The following SHANK2 variants were observed in gnomAD, a reference collection of about 807,000 sequenced individuals.
SHANK2 encodes the protein SH3 and multiple ankyrin repeat domains protein 2.
SHANK2 carries 43 observed loss-of-function variants against 133.7 expected under a neutral mutation model. The observed-to-expected ratio is 0.32, with a 90% CI of 0.25 to 0.41. The LOEUF is 0.41. SHANK2 is among the 10% of genes least tolerant of loss of function. The pLI, the probability that SHANK2 is intolerant of heterozygous loss-of-function variation, is 1.00. For synonymous variants in SHANK2, 1,017 were observed against 952.8 expected (o/e 1.07, Z -1.24); for missense variants, 1,994 against 2,235.8 (o/e 0.89, Z 2.18).
chr11:70,870,595 G>A (rs1555069995), intron 11 of SHANK2, among the ~76,000 whole-genome samples: 1 of 151,400 alleles, frequency 6.6e-6, no homozygotes, highest in African/African-American at 2.5e-5. Flanking sequence ...GTTGGCAGTG[G>A]GGGGGTTCAC....
intron 17 of SHANK2, among the ~76,000 whole-genome samples, chr11:70,649,778 G>A (rs951659794): frequency 1.3e-5 from 2 of 152,202 alleles, no homozygotes; most frequent in African/African-American, 4.8e-5. Flanking sequence ...CTGGGGCTGG[G>A]TGTACAGCAT....
intron 14 of SHANK2, among the ~76,000 whole-genome samples, chr11:70,774,590 C>T (rs749069211): frequency 4.6e-5 from 7 of 152,110 alleles, no homozygotes; most frequent in African/African-American, 1.4e-4. Flanking sequence ...AAAGGGATTA[C>T]AGGAGTGAGC....
intron 11 of SHANK2, among the ~76,000 whole-genome samples, chr11:70,885,935 G>C (rs868977174): frequency 3.9e-5 from 6 of 152,198 alleles, no homozygotes; most frequent in Admixed American, 1.3e-4. Context: ...CTTCTAGACA[G>C]ATACGCACGG....
In SHANK2 at chr11:70,490,254, G is replaced by C. The variant is rs781930403; in HGVS notation, c.2551+22C>G. On this transcript the variant is annotated intron_variant, in intron 23 of 25. Transcript: ENST00000601538. ...TTGAAAGCCCAGGGGCAACTTCTGTGGGGGAGTGCCACACTTCTTACCTAT... is the reference window on the plus strand; with the variant it reads ...TTGAAAGCCCAGGGGCAACTTCTGTCGGGGAGTGCCACACTTCTTACCTAT... 33 of 1,590,170 alleles carry C rather than the reference G, an allele frequency of 2.1e-5. 1 individual carries two copies. The highest frequency in any genetic ancestry group is 1.1e-4 in the East Asian group (5 of 44,750).
At chr11:71,182,031 G>A (rs1002437873) in intron 2 of SHANK2, among the ~76,000 whole-genome samples, 10 of 152,142 alleles carry the variant, frequency 6.6e-5, no homozygotes, top group African/African-American at 1.9e-4. Flanking sequence ...CCCTCATAGA[G>A]GATGGCTGTG....
intron 14 of SHANK2, among the ~76,000 whole-genome samples, chr11:70,731,447 TTC>T (rs2134729452): frequency 6.6e-6 from 1 of 152,354 alleles, no homozygotes; most frequent in East Asian, 1.9e-4. Context: ...CTCATCTACT[TTC>T]TGTTTCTACG....
intron 15 of SHANK2, among the ~76,000 whole-genome samples, chr11:70,677,759 T>A (rs1009535162): frequency 6.6e-6 from 1 of 152,198 alleles, no homozygotes; most frequent in Non-Finnish European, 1.5e-5. Flanking sequence ...GAGCCCGAGA[T>A]GCCCACTCCC....
At chr11:70,875,913 T>C (rs1000772913) in intron 11 of SHANK2, among the ~76,000 whole-genome samples, 1 of 151,000 alleles carries the variant, frequency 6.6e-6, no homozygotes, top group African/African-American at 2.4e-5. Context: ...TCCAAGCACT[T>C]TGGGAGCCCG....
At chr11:71,177,478 A>G (rs1010324870) in intron 2 of SHANK2, among the ~76,000 whole-genome samples, 15 of 152,348 alleles carry the variant, frequency 9.8e-5, no homozygotes, top group Non-Finnish European at 1.3e-4. Context: ...GTAGTAAGAT[A>G]AAGATTTATG....
chr11:70,779,810 C>CTTGGCA (rs1947442727), intron 14 of SHANK2, among the ~76,000 whole-genome samples: 1 of 152,196 alleles, frequency 6.6e-6, no homozygotes, highest in Non-Finnish European at 1.5e-5. Context: ...CTGCTGGTTC[C>CTTGGCA]AGCACCCCAA....
At chr11:70,923,537 C>A (rs1555081025) in intron 10 of SHANK2, among the ~76,000 whole-genome samples, 1 of 151,742 alleles carries the variant, frequency 6.6e-6, no homozygotes, top group Non-Finnish European at 1.5e-5. Flanking sequence ...CCACTGCGCC[C>A]AGCTGCTTGC....
At chr11:70,922,243 A>G (rs1950362567) in intron 10 of SHANK2, among the ~76,000 whole-genome samples, 1 of 152,234 alleles carries the variant, frequency 6.6e-6, no homozygotes, top group Admixed American at 6.5e-5. Context: ...CACAGAGAGA[A>G]GGACAAATGG....
At chr11:71,242,376 G>A (rs1954905739) in intron 1 of SHANK2, among the ~76,000 whole-genome samples, 1 of 152,142 alleles carries the variant, frequency 6.6e-6, no homozygotes, top group Admixed American at 6.6e-5. Context: ...TGGTGAAAAG[G>A]GTAACTTTTT....
chr11:70,929,700 T>G (rs1950476333), intron 10 of SHANK2, among the ~76,000 whole-genome samples: 1 of 152,202 alleles, frequency 6.6e-6, no homozygotes, highest in South Asian at 2.1e-4. Flanking sequence ...AGTCCAAAAC[T>G]ATCTCCCCAA....
At chr11:70,702,259 ACAT>A (rs1696626880) in intron 14 of SHANK2, among the ~76,000 whole-genome samples, 3 of 143,942 alleles carry the variant, frequency 2.1e-5, no homozygotes, top group Non-Finnish European at 3.0e-5. Context: ...ATCATCACCA[ACAT>A]CATCACCACC....
At chr11:71,072,154 G>A (rs1288893226) in intron 9 of SHANK2, among the ~76,000 whole-genome samples, 2 of 152,068 alleles carry the variant, frequency 1.3e-5, no homozygotes, top group African/African-American at 4.8e-5. Context: ...ACAGCCCCCT[G>A]TCCTCCTAAA....
intron 17 of SHANK2, among the ~76,000 whole-genome samples, chr11:70,606,785 C>A (rs184178171): frequency 6.6e-6 from 1 of 152,164 alleles, no homozygotes; most frequent in Admixed American, 6.5e-5. Context: ...CTTCTGCAGT[C>A]CTGATTCCTG....
intron 6 of SHANK2, among the ~76,000 whole-genome samples, chr11:71,098,284 CCTGTGTGCATGCCT>C (rs1434599232): frequency 4.6e-5 from 7 of 150,568 alleles, no homozygotes; most frequent in African/African-American, 1.7e-4. Flanking sequence ...TGTGTGCATG[CCTGTGTGCATGCCT>C]CTGTGTGCAT....
intron 8 of SHANK2, among the ~76,000 whole-genome samples, chr11:71,076,620 T>A (rs1438423458): frequency 6.6e-6 from 1 of 151,784 alleles, no homozygotes; most frequent in Non-Finnish European, 1.5e-5. Context: ...ATAAAGTAGA[T>A]CCCTGTTGCA....
Sources: gnomAD v4.1 joint callset for allele counts (sites outside exome capture counted in the v4.1 genomes callset) on GRCh38, gnomAD v4.1.1 for gene constraint, MANE v1.5 for transcripts, NCBI Gene and HGNC (gene_info 2026-07-23, HGNC 2026-07-21) for gene names.